The following RYR1 variants were observed in gnomAD, a reference collection of about 807,000 sequenced individuals.
RYR1 encodes the protein central core disease of muscle.
RYR1 carries 342 observed loss-of-function variants against 583.5 expected under a neutral mutation model. That is an observed-to-expected ratio of 0.59 (90% CI 0.54 to 0.64). RYR1 has a LOEUF of 0.64. Ranked by LOEUF, RYR1 falls within the 30% of genes least tolerant of loss-of-function variation. The pLI is 0.00. For synonymous variants in RYR1, 2,791 were observed against 2,822.5 expected, an observed-to-expected ratio of 0.99 and a Z score of 0.35; for missense variants, 6,032 against 6,917.2, an observed-to-expected ratio of 0.87 and a Z score of 4.54.
chr19:38,455,969 T>G (rs1328410500), intron 16 of RYR1, among the ~76,000 whole-genome samples: 2 of 94,466 alleles, frequency 2.1e-5, no homozygotes, highest in Non-Finnish European at 4.8e-5. Flanking sequence ...TCTGAAATGT[T>G]TTTTTTTTTT....
intron 89 of RYR1, among the ~76,000 whole-genome samples, chr19:38,552,475 T>A (rs567444373): frequency 6.6e-6 from 1 of 152,204 alleles, no homozygotes; most frequent in South Asian, 2.1e-4. Context: ...GTGGTCTCGA[T>A]CTCCTGACCT....
At position 38,502,603 on chromosome 19, in the gene RYR1, G is replaced by A. The variant is rs771501586; in HGVS notation, c.7711G>A (p.Gly2571Ser). The A allele has an allele frequency of 3.7e-6, 6 of 1,612,884 alleles. No homozygotes were observed. The Admixed American group carries it at 5.0e-5, about 13-fold the overall frequency. Residue 2571 changes from glycine to serine, a missense_variant, in exon 48 of 106, where the codon GGC becomes AGC. By Grantham distance (56) the Gly-to-Ser change is moderately conservative. Around this residue, in one of 11 missense-constraint regions of RYR1, gnomAD observed 250 missense variants for 162.3 expected, o/e 1.54. Coordinates refer to ENST00000359596, the MANE Select transcript of RYR1 (RefSeq NM_000540.3). ...LITKCAPLFA[G>S]TEHRAIMVDS... is the part of the protein sequence containing the mutation. The stretch of plus-strand genomic sequence containing the variant: ...CACCAAGTGTGCGCCGCTCTTTGCG[G>A]GCACAGAACACCGCGCCATCATGGT...
chr19:38,490,850 T>C (rs1215133824), intron 37 of RYR1, 118 bp downstream of exon 37: 1 of 730,560 alleles, frequency 1.4e-6, no homozygotes, highest in Non-Finnish European at 2.5e-6. Context: ...TAACTATTGG[T>C]TGAATGAATG....
intron 105 of RYR1, 64 bp downstream of exon 105, chr19:38,586,640 A>G: frequency 5.5e-6 from 8 of 1,447,660 alleles, no homozygotes; most frequent in Non-Finnish European, 7.8e-6. Flanking sequence ...AAGGCCAGTC[A>G]GTAGGTGGCA....
In RYR1 at chr19:38,490,286, C is replaced by T. The variant is rs986051904; in HGVS notation, c.6015+10C>T. ...CCCACCCCAGGAACAGGTCATCTGACCCCTGACGCTGGCCACTTTTACTGT... is the reference window on the plus strand; with the variant it reads ...CCCACCCCAGGAACAGGTCATCTGATCCCTGACGCTGGCCACTTTTACTGT... On this transcript the variant is annotated intron_variant, in intron 36 of 105. Transcript: ENST00000359596. The T allele has an allele frequency of 6.2e-7, 1 of 1,612,196 alleles. No homozygotes were observed. Among genetic ancestry groups the T allele is most frequent in the Non-Finnish European group, 8.5e-7 (1 of 1,179,100 alleles).
At chr19:38,504,106 C>G in intron 49 of RYR1, 114 bp from the exon 50 acceptor site, 6 of 1,136,876 alleles carry the variant, frequency 5.3e-6, no homozygotes, top group African/African-American at 1.8e-5. Flanking sequence ...GCATAACCCA[C>G]ACCTCCTTCA....
chr19:38,453,648 T>A (rs1350261849), intron 13 of RYR1, among the ~76,000 whole-genome samples: 2 of 150,202 alleles, frequency 1.3e-5, no homozygotes, highest in Non-Finnish European at 3.0e-5. Flanking sequence ...AAGAGAAAAA[T>A]TCAGCAGGTA....
At position 38,478,510 on chromosome 19, in the gene RYR1, C is replaced by G; in HGVS notation, c.4530C>G (p.His1510Gln). ...VSPGQQGRIS[H>Q]TDLVIGCLVD... ...CCGGGCAGCAGGGCCGGATCAGCCA[C>G]ACGGACCTTGTCATTGGGTGCCTGG... Residue 1510 changes from histidine (H) to glutamine (Q), a missense_variant, in exon 31 of 106, where the codon CAC becomes CAG. Transcript: ENST00000359596. 1 of 1,614,202 alleles carries G rather than the reference C, an allele frequency of 6.2e-7. No homozygotes were observed. Among genetic ancestry groups the G allele is most frequent in the Non-Finnish European group, 8.5e-7 (1 of 1,180,042 alleles).
chr19:38,487,845 G>A (rs967067082), intron 34 of RYR1, among the ~76,000 whole-genome samples: 4 of 152,160 alleles, frequency 2.6e-5, no homozygotes, highest in African/African-American at 7.2e-5. Context: ...TTTTGCCCAA[G>A]CTGGTCTTGA....
Position 38,525,335 on chromosome 19 carries a change from G to A in RYR1, c.10459G>A (p.Gly3487Ser), listed in dbSNP as rs371645169. 1.6e-5 allele frequency: 26 copies of A among 1,613,790 alleles called. No individual in the cohort carries two copies. Among genetic ancestry groups the A allele is most frequent in the East Asian group, 4.5e-5 (2 of 44,872 alleles). The change falls in exon 71 of 106, where the codon GGT (glycine) becomes AGT (serine). Residue 3487 changes from glycine to serine, a missense_variant. Around this residue, in one of 11 missense-constraint regions of RYR1, gnomAD observed 1,493 missense variants for 1,715.5 expected, o/e 0.87. Coordinates refer to ENST00000359596, the MANE Select transcript of RYR1 (RefSeq NM_000540.3). ...GCTGAGCCCTGTGTCCCCACAGTCC[G>A]GTGGCTCGGACCAGGAACGCACCAA... ...KMAKAGDIQSGGSDQERTKKK... is the reference protein window; with the variant it reads ...KMAKAGDIQSSGSDQERTKKK...
intron 94 of RYR1, 60 bp from the exon 95 acceptor site, chr19:38,571,959 A>G: frequency 6.2e-7 from 1 of 1,612,470 alleles, no homozygotes; most frequent in African/African-American, 1.3e-5. Context: ...TGGAGGCTCA[A>G]TTTTGTGAGT....
chr19:38,528,224 C>A, intron 73 of RYR1, 82 bp from the exon 74 acceptor site: 2 of 1,168,938 alleles, frequency 1.7e-6, no homozygotes, highest in Non-Finnish European at 2.6e-6. Context: ...TGGACTTCGA[C>A]ACAGCTGGGC....
At chr19:38,546,978 A>C in intron 88 of RYR1, among the ~76,000 whole-genome samples, 1 of 150,690 alleles carries the variant, frequency 6.6e-6, no homozygotes. Flanking sequence ...AAAACAAACC[A>C]AATGTCCAAA....
rs561638083 is a variant in RYR1 at position 38,519,291 on chromosome 19, C to T, written c.10096C>T (p.Arg3366Cys). ...CTTCATCCCAACTATCGGGCGGCTGCGCAAGAGGGCAGGGAAGGTGGTGTC... is the reference window on the plus strand; with the variant it reads ...CTTCATCCCAACTATCGGGCGGCTGTGCAAGAGGGCAGGGAAGGTGGTGTC... ...SHFIPTIGRL[R>C]KRAGKVVSEE... Residue 3366 changes from arginine to cysteine, a missense_variant, in exon 67 of 106, where the codon CGC becomes TGC. Physicochemically the swap from Arg to Cys is radical, Grantham distance 180. Around this residue, in one of 11 missense-constraint regions of RYR1, gnomAD observed 1,493 missense variants for 1,715.5 expected, o/e 0.87. Coordinates refer to ENST00000359596, the MANE Select transcript of RYR1 (RefSeq NM_000540.3). 1.1e-5 allele frequency: 17 copies of T among 1,613,984 alleles called. No individual in the cohort carries two copies. The highest frequency in any genetic ancestry group is 1.7e-5 in the Admixed American group (1 of 59,996).
In RYR1 at chr19:38,532,514, C is replaced by A; in HGVS notation, c.11166C>A (p.Tyr3722Ter). The part of the protein sequence containing the change: ...EKSKLDEDYL[Y>*]MAYADIMAKS... The stretch of plus-strand genomic sequence containing the variant: ...GCAAACTGGATGAGGATTACCTGTA[C>A]ATGGCCTATGCTGATATCATGGCAA... The change falls in exon 77 of 106, where the codon TAC becomes TAA. Residue 3722 changes from tyrosine (Y) to a stop codon, truncating the protein, a stop_gained. Transcript: ENST00000359596. LOFTEE classifies it high-confidence loss of function. The A allele has an allele frequency of 6.2e-7, 1 of 1,614,208 alleles. No individual in the cohort carries two copies. The highest frequency in any genetic ancestry group is 8.5e-7 in the Non-Finnish European group (1 of 1,180,036).
At chr19:38,546,295 T>C in intron 87 of RYR1, 150 bp from the exon 88 acceptor site, 1 of 704,696 alleles carries the variant, frequency 1.4e-6, no homozygotes, top group Admixed American at 2.0e-5. Context: ...TTCCCCTGCT[T>C]CCGAGGAACA....
rs1970070389 is a variant in RYR1, at chr19:38,500,699, C to T, written c.7417C>T (p.Pro2473Ser). 2 of 1,614,150 alleles carry T rather than the reference C, an allele frequency of 1.2e-6. No homozygotes were observed. The highest frequency in any genetic ancestry group is 2.2e-5 in the East Asian group (1 of 44,874). Residue 2473 changes from proline (P) to serine (S), a missense_variant, in exon 46 of 106, where the codon CCA becomes TCA. Transcript: ENST00000359596. This position sits in a 1 kb window ranked among gnomAD's most constrained non-coding sequence, Gnocchi z 5.9. ...LEDLVGIISL[P>S]LQIPTLGKDG... is the part of the protein sequence containing the mutation. ...GGACCTTGTGGGCATCATCAGCCTC[C>T]CACTGCAGATTCCCACCCTGGGCAA...
At chr19:38,474,178 T>C (rs1210169103) in intron 28 of RYR1, among the ~76,000 whole-genome samples, 1 of 152,208 alleles carries the variant, frequency 6.6e-6, no homozygotes, top group Non-Finnish European at 1.5e-5. Flanking sequence ...GTGTCACAAA[T>C]GTACCCCCCG....
At position 38,507,718 on chromosome 19, in the gene RYR1, T is replaced by G; in HGVS notation, c.8823T>G (p.Leu2941=). 6.2e-7 allele frequency: 1 copy of G among 1,606,918 alleles called. No homozygotes were observed. Among genetic ancestry groups the G allele is most frequent in the Non-Finnish European group, 8.5e-7 (1 of 1,173,576 alleles). ...QMNGYAVTRG[L]KDMELDSSSI... Reference sequence around the variant, plus strand: ...TCTCCACATCTCCATGCAGAGGCCTTAAGGACATGGAACTGGACTCGTCTT... The same window carrying G: ...TCTCCACATCTCCATGCAGAGGCCTGAAGGACATGGAACTGGACTCGTCTT... Residue 2941 remains leucine (L), a synonymous_variant, in exon 58 of 106, where the codon CTT becomes CTG. Coordinates refer to ENST00000359596, the MANE Select transcript of RYR1 (RefSeq NM_000540.3).
Sources: gnomAD v4.1 joint callset for allele counts (sites outside exome capture counted in the v4.1 genomes callset) on GRCh38, gnomAD v4.1.1 for gene constraint, gnomAD v4.1.1 regional missense constraint, Gnocchi (gnomAD v3.1) non-coding constraint, MANE v1.5 for transcripts, NCBI Gene and HGNC (gene_info 2026-07-23, HGNC 2026-07-21) for gene names.